ANO10: variants seen among roughly 807,000 people sequenced by gnomAD.
The protein encoded by ANO10 is anoctamin 10, also known as anoctamin-10.
In ANO10, 77 loss-of-function variants were observed where a neutral mutation model predicts 74.7. That is an observed-to-expected ratio of 1.03 (90% CI 0.86 to 1.25). The LOEUF is 1.25. ANO10 is among the 50% of genes most tolerant of loss of function. The probability of loss-of-function intolerance (pLI) is 0.00; values close to 1 mark genes in which losing one functional copy is unlikely to be tolerated. For missense variants in ANO10, 721 were observed against 778.1 expected (o/e 0.93, Z 0.87); for synonymous variants, 279 against 284.9 (o/e 0.98, Z 0.21).
intron 11 of ANO10, among the ~76,000 whole-genome samples, chr3:43,455,726 G>A (rs937183826): frequency 5.3e-5 from 8 of 151,800 alleles, no homozygotes; most frequent in Non-Finnish European, 8.8e-5. Context: ...TTTCCTCAGG[G>A]TTTCTGAATA....
intron 12 of ANO10, among the ~76,000 whole-genome samples, chr3:43,395,806 A>G (rs1449812743): frequency 6.6e-6 from 1 of 150,464 alleles, no homozygotes; most frequent in East Asian, 1.9e-4. Context: ...TCTTATTGGG[A>G]TTATACTGAA....
intron 6 of ANO10, among the ~76,000 whole-genome samples, chr3:43,575,485 G>A (rs1385929184): frequency 1.3e-5 from 2 of 152,148 alleles, no homozygotes; most frequent in Non-Finnish European, 2.9e-5. Context: ...CTGATACTCA[G>A]CCTTATTCCC....
intron 11 of ANO10, among the ~76,000 whole-genome samples, chr3:43,466,880 T>C (rs1051751818): frequency 2.0e-5 from 3 of 152,226 alleles, no homozygotes; most frequent in African/African-American, 7.2e-5. Context: ...ACTTGTGTAT[T>C]GAATATGTAA....
In ANO10 at chr3:43,516,670, C is replaced by T. The variant is rs188018677; in HGVS notation, c.1797+33050G>A. Among the ~76,000 whole-genome samples the T allele has an allele frequency of 2.1e-4, 32 of 152,264 alleles. No individual in the cohort carries two copies. In the East Asian group the frequency reaches 2.5e-3, roughly 12 times the overall value. The stretch of plus-strand genomic sequence containing the variant: ...CTGAAATACTCCAAATAAGACATGA[C>T]AGCAGTGGCCTGGTGCAAGGCTGAT... On this transcript the variant is annotated intron_variant, in intron 11 of 12. Transcript: ENST00000292246.
At chr3:43,639,207 A>G (rs2083645874) in intron 1 of ANO10, 1 of 152,424 alleles carries the variant, frequency 6.6e-6, no homozygotes, top group Admixed American at 6.5e-5. Context: ...GAAGCACATC[A>G]CTAGGTCCAG....
At chr3:43,479,898 G>C (rs1377456904) in intron 11 of ANO10, among the ~76,000 whole-genome samples, 1 of 152,162 alleles carries the variant, frequency 6.6e-6, no homozygotes, top group Non-Finnish European at 1.5e-5. Flanking sequence ...TTCCTATCAA[G>C]TGAGACTGAA....
chr3:43,464,048 C>T (rs978535498), intron 11 of ANO10, among the ~76,000 whole-genome samples: 1 of 152,164 alleles, frequency 6.6e-6, no homozygotes, highest in Admixed American at 6.5e-5. Flanking sequence ...TGCTCTTCCT[C>T]GCCTTCCGCC....
chr3:43,522,086 G>A (rs1041848310), intron 11 of ANO10, among the ~76,000 whole-genome samples: 4 of 152,062 alleles, frequency 2.6e-5, no homozygotes, highest in African/African-American at 9.7e-5. Context: ...GAAATGTCTA[G>A]AACAGGCAAC....
chr3:43,585,301 T>C (rs2081425238), intron 4 of ANO10, among the ~76,000 whole-genome samples: 1 of 152,096 alleles, frequency 6.6e-6, no homozygotes, highest in Admixed American at 6.5e-5. Flanking sequence ...AATGATTTTA[T>C]TGTATTCATA....
intron 12 of ANO10, among the ~76,000 whole-genome samples, chr3:43,420,425 CCTGGG>C (rs2092802639): frequency 6.6e-6 from 1 of 151,810 alleles, no homozygotes; most frequent in African/African-American, 2.4e-5. Flanking sequence ...TGTACTCCAG[CCTGGG>C]CAACAGAGCC....
At chr3:43,495,754 G>A (rs2076889954) in intron 11 of ANO10, among the ~76,000 whole-genome samples, 1 of 151,924 alleles carries the variant, frequency 6.6e-6, no homozygotes, top group Admixed American at 6.6e-5. Flanking sequence ...AGGCTGGAGA[G>A]CAGTGGCGCA....
chr3:43,432,592 T>C lies in ANO10; in HGVS notation c.1914+19A>G, dbSNP rs2092999430. The C allele has an allele frequency of 6.4e-7, 1 of 1,551,610 alleles. No homozygotes were observed. The highest frequency in any genetic ancestry group is 8.9e-7 in the Non-Finnish European group (1 of 1,123,216). On this transcript the variant is annotated intron_variant, in intron 12 of 12. Transcript: ENST00000292246. ...ATTTGCTAAAGCAATACATACATTT[T>C]CAGGACAGCTGCTCTCACCTGCTGC...
intron 12 of ANO10, among the ~76,000 whole-genome samples, chr3:43,395,771 CA>C (rs35046151): frequency 0.015 from 2,145 of 138,468 alleles, 32 homozygotes; most frequent in Non-Finnish European, 0.025. Context: ...TCAACTTCTA[CA>C]AAAAAAAAAA....
At chr3:43,568,499 T>C (rs1240049237) in intron 7 of ANO10, among the ~76,000 whole-genome samples, 2 of 150,698 alleles carry the variant, frequency 1.3e-5, no homozygotes, top group Admixed American at 6.6e-5. Flanking sequence ...CAGACCACAG[T>C]GCAATCAAAC....
chr3:43,453,019 T>C (rs1185901909), intron 11 of ANO10, among the ~76,000 whole-genome samples: 1 of 152,218 alleles, frequency 6.6e-6, no homozygotes, highest in African/African-American at 2.4e-5. Flanking sequence ...TGCCCATTTT[T>C]TAATTGGGTT....
intron 12 of ANO10, among the ~76,000 whole-genome samples, chr3:43,391,902 T>C (rs909290570): frequency 1.3e-5 from 2 of 152,192 alleles, no homozygotes; most frequent in African/African-American, 4.8e-5. Context: ...GAGCAAATGT[T>C]TGTCATAAGC....
intron 1 of ANO10, chr3:43,690,997 C>T (rs961047492): frequency 1.3e-6 from 2 of 1,572,108 alleles, no homozygotes; most frequent in South Asian, 1.1e-5. Context: ...GCGGCTATGG[C>T]GGCGGAGGAG....
intron 12 of ANO10, among the ~76,000 whole-genome samples, chr3:43,394,649 T>C (rs2092343387): frequency 6.6e-6 from 1 of 152,168 alleles, no homozygotes; most frequent in Admixed American, 6.5e-5. Flanking sequence ...TTTCCCATGG[T>C]AGTGAAGAAA....
chr3:43,406,200 C>T (rs1406808940), intron 12 of ANO10, among the ~76,000 whole-genome samples: 2 of 152,184 alleles, frequency 1.3e-5, no homozygotes, highest in Non-Finnish European at 1.5e-5. Context: ...TCCAGCACCT[C>T]GGGAACAGGC....
Sources: allele counts gnomAD v4.1 joint callset (sites outside exome capture counted in the v4.1 genomes callset), GRCh38; gene constraint gnomAD v4.1.1; transcripts MANE v1.5; gene names NCBI Gene and HGNC (gene_info 2026-07-23, HGNC 2026-07-21).